Variants in P4HA3 observed in about 807,000 individuals in gnomAD.
P4HA3 encodes prolyl 4-hydroxylase subunit alpha 3.
P4HA3 carries 60 observed loss-of-function variants against 66.7 expected under a neutral mutation model. That is an observed-to-expected ratio of 0.90 (90% confidence interval 0.73 to 1.12). The LOEUF is 1.12. P4HA3 is among the 50% of genes most tolerant of loss of function. The probability of loss-of-function intolerance (pLI) is 0.00; values close to 1 mark genes in which losing one functional copy is unlikely to be tolerated. For missense variants in P4HA3, 683 were observed against 685.8 expected, an observed-to-expected ratio of 1.00 and a Z score of 0.05; for synonymous variants, 263 against 274.6, an observed-to-expected ratio of 0.96 and a Z score of 0.42.
intron 12 of P4HA3, among the ~76,000 whole-genome samples, chr11:74,267,588 T>A (rs1860032510): frequency 6.6e-6 from 1 of 152,168 alleles, no homozygotes; most frequent in African/African-American, 2.4e-5. Context: ...GGAACTAAGA[T>A]CACTCACCCT....
At chr11:74,261,885 G>A (rs193162140), downstream of P4HA3, among the ~76,000 whole-genome samples, 39 of 152,292 alleles carry the variant, frequency 2.6e-4, no homozygotes, top group Middle Eastern at 3.4e-3. Flanking sequence ...CACCTATGGC[G>A]CTTTGGAAAA....
intron 15 of P4HA3, among the ~76,000 whole-genome samples, chr11:74,253,059 T>A (rs1859744713): frequency 6.6e-6 from 1 of 152,138 alleles, no homozygotes; most frequent in African/African-American, 2.4e-5. Flanking sequence ...AGAAGAAATA[T>A]TAAGAAAAGG....
intron 15 of P4HA3, among the ~76,000 whole-genome samples, chr11:74,255,023 A>T (rs998783909): frequency 6.6e-6 from 1 of 151,858 alleles, no homozygotes; most frequent in Non-Finnish European, 1.5e-5. Flanking sequence ...TTCATCTACA[A>T]CCCAAATCAT....
intron 15 of P4HA3, among the ~76,000 whole-genome samples, chr11:74,259,250 G>A (rs1387643269): frequency 1.3e-5 from 2 of 152,132 alleles, no homozygotes; most frequent in East Asian, 3.9e-4. Flanking sequence ...GTGGTGGTGG[G>A]TGCCTGTAAT....
Position 74,267,013 on chromosome 11 carries a change from C to T in P4HA3, c.*235G>A, listed in dbSNP as rs191586897. 6.9e-5 allele frequency: 104 copies of T among 1,512,110 alleles called. 1 individual carries two copies. Among genetic ancestry groups the T allele is most frequent in the Middle Eastern group, 1.7e-4 (1 of 5,844 alleles). 93.7% of individuals were successfully genotyped at this position (1,512,110 alleles called of 1,614,324 possible). On this transcript the variant is annotated 3_prime_UTR_variant, in exon 13 of 13. Transcript: ENST00000331597. Reference sequence around the variant, plus strand: ...CTTCCCTCTCAGGCCTCCACTCCCCCCTCCTTTGTACTGTGCATCCTACTC... The same window carrying T: ...CTTCCCTCTCAGGCCTCCACTCCCCTCTCCTTTGTACTGTGCATCCTACTC...
chr11:74,285,545 C>A, intron 7 of P4HA3: 1 of 365,446 alleles, frequency 2.7e-6, no homozygotes, highest in Non-Finnish European at 5.0e-6. Context: ...GCCACATGTA[C>A]CACGTCCCTA....
At chr11:74,283,112 G>A (rs1860665133) in intron 7 of P4HA3, among the ~76,000 whole-genome samples, 1 of 152,186 alleles carries the variant, frequency 6.6e-6, no homozygotes, top group African/African-American at 2.4e-5. Context: ...CCACTACCAT[G>A]TCAGTCCAGG....
intron 1 of P4HA3, among the ~76,000 whole-genome samples, chr11:74,311,054 C>T (rs1252586829): frequency 2.0e-5 from 3 of 152,026 alleles, no homozygotes; most frequent in African/African-American, 7.3e-5. Flanking sequence ...CTAGAGTCAC[C>T]CCGCCCCGCT....
At position 74,287,326 on chromosome 11, in the gene P4HA3, C is replaced by T. The variant is rs1008852212; in HGVS notation, c.770-935G>A. ...GAGGAAAGGAAGGGGCAGAAATTAC[C>T]ATTCTGTTTTAACAAGAGAAGAAGT... On this transcript the variant is annotated intron_variant, in intron 5 of 12. Coordinates refer to ENST00000331597, the MANE Select transcript of P4HA3 (RefSeq NM_182904.5). 45 of 1,287,974 alleles carry T rather than the reference C, an allele frequency of 3.5e-5. No homozygotes were observed. The East Asian group carries it at 1.9e-3, about 56-fold the overall frequency. 79.8% of individuals were successfully genotyped at this position (1,287,974 alleles called of 1,614,324 possible).
chr11:74,276,024 A>G (rs1860381010), intron 9 of P4HA3, among the ~76,000 whole-genome samples: 1 of 152,234 alleles, frequency 6.6e-6, no homozygotes, highest in African/African-American at 2.4e-5. Flanking sequence ...GCTGGAGGCC[A>G]TTATCCTAAG....
chr11:74,293,299 G>C (rs1476446806), intron 4 of P4HA3, among the ~76,000 whole-genome samples: 2 of 151,922 alleles, frequency 1.3e-5, no homozygotes, highest in Non-Finnish European at 2.9e-5. Flanking sequence ...CATTTGCTTG[G>C]TAGATCTTCC....
chr11:74,251,465 A>G, intron 15 of P4HA3: 1 of 1,428,850 alleles, frequency 7.0e-7, no homozygotes, highest in Non-Finnish European at 9.1e-7. Flanking sequence ...CCTGGCAAGG[A>G]TAGTGGGGAG....
intron 15 of P4HA3, chr11:74,251,630 T>C (rs767361449): frequency 6.2e-7 from 1 of 1,612,036 alleles, no homozygotes; most frequent in South Asian, 1.1e-5. Context: ...TGGCCTGGAA[T>C]ATCTCTCCCA....
exon 15 of P4HA3, chr11:74,259,956 C>T (rs185256937): frequency 6.6e-6 from 1 of 152,308 alleles, no homozygotes; most frequent in East Asian, 1.9e-4. Flanking sequence ...GATGACAGTT[C>T]TATGTTTATC....
rs966969090 is a variant in P4HA3 at position 74,300,512 on chromosome 11, G to A, written c.567+1857C>T. Among the ~76,000 whole-genome samples, 16 of 152,124 alleles carry A rather than the reference G, an allele frequency of 1.1e-4. 1 individual carries two copies. The highest frequency in any genetic ancestry group is 2.1e-4 in the South Asian group (1 of 4,828). On this transcript the variant is annotated intron_variant, in intron 3 of 12. Coordinates refer to ENST00000331597, the MANE Select transcript of P4HA3 (RefSeq NM_182904.5). ...GGCACACCTGTAGTCCTAGCTACTC[G>A]GGAGGCTGAGGTGGGAGGATCACTT...
At chr11:74,286,975 C>T (rs2134768415) in intron 5 of P4HA3, 2 of 517,860 alleles carry the variant, frequency 3.9e-6, no homozygotes, top group South Asian at 7.5e-5. Context: ...CTTGGCTCCA[C>T]TAGATCTTTC....
downstream of P4HA3, among the ~76,000 whole-genome samples, chr11:74,262,974 C>T (rs760465120): frequency 7.2e-5 from 11 of 152,216 alleles, no homozygotes; most frequent in East Asian, 9.6e-4. Context: ...GCAGGGTGGC[C>T]GCTGCACCTT....
At chr11:74,252,258 T>G (rs1859714286) in intron 15 of P4HA3, among the ~76,000 whole-genome samples, 1 of 150,884 alleles carries the variant, frequency 6.6e-6, no homozygotes, top group South Asian at 2.1e-4. Flanking sequence ...TTTGTTTTTT[T>G]TTTTTTTTAG....
intron 4 of P4HA3, among the ~76,000 whole-genome samples, chr11:74,291,463 CCAG>C: frequency 1.3e-5 from 2 of 152,152 alleles, no homozygotes; most frequent in African/African-American, 4.8e-5. Context: ...ATTGCCCTGG[CCAG>C]AACTTCCAAC....
Sources: allele counts gnomAD v4.1 joint callset (sites outside exome capture counted in the v4.1 genomes callset), GRCh38; gene constraint gnomAD v4.1.1; transcripts MANE v1.5; gene names NCBI Gene and HGNC (gene_info 2026-07-23, HGNC 2026-07-21).